Variants in ZNF536 observed in about 807,000 individuals in gnomAD.
The protein encoded by ZNF536 is zinc finger protein 536.
A neutral mutation model predicts 84.5 loss-of-function variants in ZNF536; 13 were observed. The ratio of observed to expected loss-of-function variants is 0.15; its 90% confidence interval spans 0.10 to 0.24. The LOEUF is 0.24. Among genes scored for constraint, ZNF536 ranks in the 10% least tolerant of loss-of-function variants. The pLI is 1.00. For missense variants in ZNF536, 1,536 were observed against 1,747.5 expected, an observed-to-expected ratio of 0.88 and a Z score of 2.16; for synonymous variants, 811 against 742.5, an observed-to-expected ratio of 1.09 and a Z score of -1.50.
intron 1 of ZNF536, among the ~76,000 whole-genome samples, chr19:30,257,305 G>A (rs1450721420): frequency 6.6e-6 from 1 of 152,210 alleles, no homozygotes; most frequent in Non-Finnish European, 1.5e-5. Context: ...CACTGCAAGA[G>A]GGCTATTTTA....
chr19:30,549,826 A>T (rs1214969022), intron 4 of ZNF536, among the ~76,000 whole-genome samples: 1 of 152,220 alleles, frequency 6.6e-6, no homozygotes, highest in Admixed American at 6.5e-5. Context: ...AAGGGGGGAA[A>T]ATCGACTTAC....
Position 30,563,303 on chromosome 19 carries a change from T to C in ZNF536, c.169+13789T>C, listed in dbSNP as rs190534577. Among the ~76,000 whole-genome samples the C allele has an allele frequency of 2.0e-3, 312 of 152,330 alleles. 1 individual carries two copies. The highest frequency in any genetic ancestry group is 7.0e-3 in the African/African-American group (289 of 41,576). ...TGGGGTGAACACATCTGGAGGTCTG[T>C]TGGGGAACCTATATGATAATTCAAC... is the stretch of plus-strand genomic sequence containing the variant. On this transcript the variant is annotated intron_variant, in intron 1 of 1. Coordinates refer to the ZNF536 transcript ENST00000592773.
intron 1 of ZNF536, among the ~76,000 whole-genome samples, chr19:30,710,536 A>T (rs2052421260): frequency 6.6e-6 from 1 of 152,186 alleles, no homozygotes; most frequent in African/African-American, 2.4e-5. Flanking sequence ...ACGGGACTTG[A>T]TCTCTAAAAA....
chr19:30,585,894 A>T (rs1483635145), intron 1 of ZNF536, among the ~76,000 whole-genome samples: 3 of 152,164 alleles, frequency 2.0e-5, no homozygotes, highest in Non-Finnish European at 4.4e-5. Flanking sequence ...ACATAACTTG[A>T]TGTCTGAAAT....
chr19:30,676,367 A>T (rs2062094872), intron 1 of ZNF536, among the ~76,000 whole-genome samples: 1 of 152,138 alleles, frequency 6.6e-6, no homozygotes, highest in African/African-American at 2.4e-5. Context: ...GATGGCTTTC[A>T]CTCTGTGAGC....
chr19:30,436,472 C>G (rs1458260836), intron 1 of ZNF536: 2 of 873,806 alleles, frequency 2.3e-6, no homozygotes, highest in East Asian at 2.4e-4. Flanking sequence ...TGTAAGAGAT[C>G]AAAAAAAAAA....
intron 1 of ZNF536, among the ~76,000 whole-genome samples, chr19:30,583,269 G>A (rs922999681): frequency 9.2e-5 from 14 of 152,212 alleles, no homozygotes; most frequent in Middle Eastern, 3.2e-3. Flanking sequence ...TCCCTGAGCA[G>A]AACAGGGCCA....
At chr19:30,685,212 T>C (rs1376394105) in intron 1 of ZNF536, among the ~76,000 whole-genome samples, 1 of 152,210 alleles carries the variant, frequency 6.6e-6, no homozygotes, top group Non-Finnish European at 1.5e-5. Flanking sequence ...CTCTGGATTT[T>C]CTGCTCTGAG....
chr19:30,243,378 A>C (rs2024067784), intron 1 of ZNF536, among the ~76,000 whole-genome samples: 1 of 152,222 alleles, frequency 6.6e-6, no homozygotes, highest in Admixed American at 6.5e-5. Flanking sequence ...TAGAGGTCTA[A>C]ATTTTGGTAT....
chr19:30,420,090 C>T (rs2050890397), intron 1 of ZNF536, among the ~76,000 whole-genome samples: 1 of 152,174 alleles, frequency 6.6e-6, no homozygotes, highest in Non-Finnish European at 1.5e-5. Context: ...GCATGTGACA[C>T]TCCCAGGGAT....
At chr19:30,465,721 T>C (rs907675169) in intron 2 of ZNF536, among the ~76,000 whole-genome samples, 2 of 117,518 alleles carry the variant, frequency 1.7e-5, no homozygotes, top group East Asian at 2.9e-4. Context: ...CAAAATATCA[T>C]GTCTATAAAA....
intron 3 of ZNF536, among the ~76,000 whole-genome samples, chr19:30,363,514 A>G (rs1175106049): frequency 6.6e-6 from 1 of 152,098 alleles, no homozygotes; most frequent in East Asian, 1.9e-4. Flanking sequence ...TCTACCCGGA[A>G]CCACCATCCT....
intron 1 of ZNF536, among the ~76,000 whole-genome samples, chr19:30,630,487 C>T (rs1333989937): frequency 6.6e-6 from 1 of 152,078 alleles, no homozygotes; most frequent in African/African-American, 2.4e-5. Flanking sequence ...TGTGCCTGGG[C>T]ATGCAAGAGC....
At chr19:30,478,396 G>A (rs1028199584) in intron 2 of ZNF536, among the ~76,000 whole-genome samples, 2 of 152,008 alleles carry the variant, frequency 1.3e-5, no homozygotes, top group East Asian at 1.9e-4. Context: ...GCTTCCTGCT[G>A]TCTCTTGAGG....
At position 30,496,240 on chromosome 19, in the gene ZNF536, G is replaced by A. The variant is rs370017856; in HGVS notation, c.2171-38607G>A. ...GTAGCTCAGTCCCTACAAACTTTCT[G>A]TTCTGTCTCTGGAATACCCTCTGAG... On this transcript the variant is annotated intron_variant, in intron 2 of 4. Transcript: ENST00000355537. Among the ~76,000 whole-genome samples the A allele has an allele frequency of 9.9e-5, 15 of 152,194 alleles. 1 individual carries two copies. The highest frequency in any genetic ancestry group is 3.4e-4 in the African/African-American group (14 of 41,526).
At chr19:30,335,358 T>C (rs963048025) in intron 2 of ZNF536, among the ~76,000 whole-genome samples, 4 of 152,298 alleles carry the variant, frequency 2.6e-5, no homozygotes, top group African/African-American at 9.6e-5. Flanking sequence ...ATCTCGATGA[T>C]GGAAGCTGCT....
intron 2 of ZNF536, among the ~76,000 whole-genome samples, chr19:30,525,296 G>A (rs2044528368): frequency 6.6e-6 from 1 of 152,154 alleles, no homozygotes; most frequent in East Asian, 1.9e-4. Context: ...TGAACACTCT[G>A]GAGCACTTCC....
intron 2 of ZNF536, among the ~76,000 whole-genome samples, chr19:30,485,073 G>A (rs1887666551): frequency 6.6e-6 from 1 of 152,086 alleles, no homozygotes; most frequent in South Asian, 2.1e-4. Flanking sequence ...GAACCCGGAA[G>A]GCAGAGCTTT....
At chr19:30,504,521 C>G (rs902017994) in intron 2 of ZNF536, among the ~76,000 whole-genome samples, 1 of 123,906 alleles carries the variant, frequency 8.1e-6, no homozygotes, top group African/African-American at 3.1e-5. Flanking sequence ...CCTCCCTCCT[C>G]CTGCCCCCCT....
Sources: gnomAD v4.1 joint callset for allele counts (sites outside exome capture counted in the v4.1 genomes callset) on GRCh38, gnomAD v4.1.1 for gene constraint, MANE v1.5 for transcripts, NCBI Gene and HGNC (gene_info 2026-07-23, HGNC 2026-07-21) for gene names.